The following RERE variants were observed in gnomAD, a reference collection of about 807,000 sequenced individuals.
RERE encodes arginine-glutamic acid dipeptide repeats protein.
Under a neutral mutation model 146.1 loss-of-function variants are expected in RERE, and 40 were observed. The observed-to-expected ratio is 0.27, with a 90% CI of 0.21 to 0.36. The LOEUF is 0.36. Ranked by LOEUF, RERE falls within the 10% of genes least tolerant of loss-of-function variation. The pLI, the probability that RERE is intolerant of heterozygous loss-of-function variation, is 1.00. For synonymous variants in RERE, 1,003 were observed against 866.0 expected, an observed-to-expected ratio of 1.16 and a Z score of -2.78; for missense variants, 1,933 against 2,138.7, an observed-to-expected ratio of 0.90 and a Z score of 1.90.
chr1:8,637,276 G>T (rs967503507), intron 2 of RERE, among the ~76,000 whole-genome samples: 25 of 152,084 alleles, frequency 1.6e-4, no homozygotes, highest in African/African-American at 6.0e-4. Context: ...CTACTATAAG[G>T]TTGCACAAGT....
In RERE at chr1:8,448,465, G is replaced by A. The variant is rs959901647; in HGVS notation, c.1203+17460C>T. 3.3e-5 allele frequency among the ~76,000 whole-genome samples: 5 copies of A among 151,972 alleles called. No homozygotes were observed. In the East Asian group the frequency reaches 5.8e-4, roughly 18 times the overall value. Reference sequence around the variant, plus strand: ...GAAGTGAGGGAAGGGAATAAAAAGGGGGAAAAAAAAAGGCCAGGCGCAGTG... The same window carrying A: ...GAAGTGAGGGAAGGGAATAAAAAGGAGGAAAAAAAAAGGCCAGGCGCAGTG... On this transcript the variant is annotated intron_variant, in intron 11 of 22. Transcript: ENST00000400908.
intron 1 of RERE, among the ~76,000 whole-genome samples, chr1:8,752,649 T>C (rs753954222): frequency 9.2e-5 from 14 of 152,196 alleles, no homozygotes; most frequent in Non-Finnish European, 2.1e-4. Context: ...TCTTAAAACC[T>C]TGTGAGTTTC....
At chr1:8,545,958 C>CAG (rs1196903763) in intron 6 of RERE, among the ~76,000 whole-genome samples, 3 of 141,168 alleles carry the variant, frequency 2.1e-5, no homozygotes, top group Non-Finnish European at 4.5e-5. Flanking sequence ...GCTGGGATTA[C>CAG]AGGTGCAAGC....
At chr1:8,471,521 T>TC (rs201773353) in intron 10 of RERE, among the ~76,000 whole-genome samples, 11 of 150,934 alleles carry the variant, frequency 7.3e-5, no homozygotes, top group African/African-American at 2.4e-4. Flanking sequence ...GGGTTGCTTT[T>TC]TTTTTTTTTT....
chr1:8,757,919 C>CACACACAT (rs1553145842), intron 1 of RERE, among the ~76,000 whole-genome samples: 21 of 150,744 alleles, frequency 1.4e-4, no homozygotes, highest in African/African-American at 4.4e-4. Context: ...CATACACACA[C>CACACACAT]ACACACACAC....
intron 1 of RERE, among the ~76,000 whole-genome samples, chr1:8,764,196 G>T (rs890282105): frequency 6.6e-6 from 1 of 152,010 alleles, no homozygotes; most frequent in African/African-American, 2.4e-5. Flanking sequence ...TGCTCCTTAT[G>T]CACTCAGCCC....
rs1200908303 is a variant in RERE, at chr1:8,360,993, T to C, written c.2514A>G (p.Ala838=). The change falls in exon 18 of 23, where the codon GCA becomes GCG. Residue 838 remains alanine (A), a synonymous_variant. Transcript: ENST00000400908. The stretch of plus-strand genomic sequence containing the variant: ...GCAGTGGGGGCTGGGCATGAGAGGG[T>C]GCAGAAGGCTGGCCCGCCGACCCAG... ...PLTGSAGQPS[A]PSHAQPPLHG... 2.8e-6 allele frequency: 4 copies of C among 1,432,202 alleles called. No individual in the cohort carries two copies. The South Asian group carries it at 4.4e-5, about 16-fold the overall frequency. The allele number at this position is 1,432,202 out of a possible 1,614,324, so 88.7% of individuals were successfully genotyped here. A position where few individuals can be genotyped will look rare whatever the true frequency, so the allele number is the denominator to read the frequency against.
At chr1:8,449,810 G>T (rs1234809445) in intron 11 of RERE, among the ~76,000 whole-genome samples, 1 of 152,186 alleles carries the variant, frequency 6.6e-6, no homozygotes, top group African/African-American at 2.4e-5. Context: ...AATTTGAATT[G>T]CTAGAAAAAT....
At chr1:8,710,293 C>G (rs1557496108) in intron 1 of RERE, among the ~76,000 whole-genome samples, 1 of 152,134 alleles carries the variant, frequency 6.6e-6, no homozygotes, top group Non-Finnish European at 1.5e-5. Flanking sequence ...GTAATATACT[C>G]TTGAATATAC....
chr1:8,752,786 A>G (rs902713696), intron 1 of RERE, among the ~76,000 whole-genome samples: 7 of 152,206 alleles, frequency 4.6e-5, no homozygotes, highest in African/African-American at 1.4e-4. Flanking sequence ...TTGAAGTGCC[A>G]AACTTTAAAC....
chr1:8,790,888 G>A, intron 1 of RERE, among the ~76,000 whole-genome samples: 1 of 152,142 alleles, frequency 6.6e-6, no homozygotes, highest in East Asian at 1.9e-4. Flanking sequence ...ACCCGGCCCA[G>A]GCTTTACTTC....
intron 12 of RERE, among the ~76,000 whole-genome samples, chr1:8,380,558 A>G (rs1434628970): frequency 6.6e-6 from 1 of 152,114 alleles, no homozygotes; most frequent in Non-Finnish European, 1.5e-5. Context: ...CATGTTGACC[A>G]GGCTAGTCTC....
At chr1:8,545,232 C>T (rs183505691) in intron 6 of RERE, among the ~76,000 whole-genome samples, 1 of 152,290 alleles carries the variant, frequency 6.6e-6, no homozygotes, top group East Asian at 1.9e-4. Context: ...AGAAATATGA[C>T]TAAAGACAGG....
At chr1:8,778,697 G>T (rs956580031) in intron 1 of RERE, among the ~76,000 whole-genome samples, 11 of 152,018 alleles carry the variant, frequency 7.2e-5, no homozygotes, top group Non-Finnish European at 1.5e-5. Context: ...CTACTCAGTT[G>T]TGGTGGCATG....
chr1:8,492,736 C>CA (rs79472973), intron 10 of RERE, among the ~76,000 whole-genome samples: 3 of 152,082 alleles, frequency 2.0e-5, no homozygotes, highest in Non-Finnish European at 2.9e-5. Flanking sequence ...CTCATCTTGA[C>CA]AAAAAAAATT....
chr1:8,634,924 A>C (rs1647078646), intron 2 of RERE, among the ~76,000 whole-genome samples: 1 of 152,088 alleles, frequency 6.6e-6, no homozygotes, highest in African/African-American at 2.4e-5. Context: ...TTTAGTAGAG[A>C]TGAGGTTTCA....
At position 8,582,218 on chromosome 1, in the gene RERE, G is replaced by A. The variant is rs79939774; in HGVS notation, c.523-24695C>T. On this transcript the variant is annotated intron_variant, in intron 4 of 22. Coordinates refer to ENST00000400908, the MANE Select transcript of RERE (RefSeq NM_001042681.2). ...ATTTTAAGTTATTATTTTAAAGAGAGAGGGTCTTGCTGTGTTACCCAGGCT... is the reference window on the plus strand; with the variant it reads ...ATTTTAAGTTATTATTTTAAAGAGAAAGGGTCTTGCTGTGTTACCCAGGCT... 8.6e-3 allele frequency among the ~76,000 whole-genome samples: 1,304 copies of A among 152,134 alleles called. 8 individuals are homozygous for A. Among genetic ancestry groups the A allele is most frequent in the Non-Finnish European group, 0.015 (1,004 of 67,992 alleles).
intron 1 of RERE, chr1:8,753,341 TTTC>T (rs2124519570): frequency 6.6e-6 from 1 of 152,336 alleles, no homozygotes; most frequent in East Asian, 1.9e-4. Context: ...TTTGCAATCG[TTTC>T]TTTTCTCAAG....
intron 12 of RERE, among the ~76,000 whole-genome samples, chr1:8,400,226 G>GTGTGTGTGTT (rs1643203288): frequency 6.8e-6 from 1 of 148,078 alleles, no homozygotes; most frequent in Non-Finnish European, 1.5e-5. Context: ...TGTCATATGT[G>GTGTGTGTGTT]TGTGTGTGTG....
Sources: allele counts gnomAD v4.1 joint callset (sites outside exome capture counted in the v4.1 genomes callset), GRCh38; gene constraint gnomAD v4.1.1; transcripts MANE v1.5; gene names NCBI Gene and HGNC (gene_info 2026-07-23, HGNC 2026-07-21).